Variants in HAVCR1 observed in about 807,000 individuals in gnomAD.
HAVCR1 encodes the protein hepatitis A virus cellular receptor 1, also known as T cell immunoglobin domain and mucin domain protein 1.
In HAVCR1, 34 loss-of-function variants were observed where a neutral mutation model predicts 32.0. The ratio of observed to expected loss-of-function variants is 1.06; its 90% CI spans 0.81 to 1.42. HAVCR1 has a LOEUF of 1.42. HAVCR1 is among the 40% of genes most tolerant of loss of function. The pLI is 0.00. For synonymous variants in HAVCR1, 178 were observed against 170.3 expected, an observed-to-expected ratio of 1.05 and a Z score of -0.35; for missense variants, 420 against 442.3, an observed-to-expected ratio of 0.95 and a Z score of 0.45.
intron 7 of HAVCR1, among the ~76,000 whole-genome samples, chr5:157,036,916 G>T (rs1189500429): frequency 6.7e-6 from 1 of 148,524 alleles, no homozygotes; most frequent in Non-Finnish European, 1.5e-5. Flanking sequence ...TTAAGAAATG[G>T]GGTCCCACCA....
intron 5 of HAVCR1, among the ~76,000 whole-genome samples, chr5:157,048,708 T>C (rs374380400): frequency 1.2e-3 from 184 of 152,136 alleles, no homozygotes; most frequent in African/African-American, 4.4e-3. Context: ...CGGGCGCCTG[T>C]AGTCCCAGCT....
chr5:157,058,168 AAAG>A, intron 1 of HAVCR1: 1 of 523,810 alleles, frequency 1.9e-6, no homozygotes, highest in Non-Finnish European at 3.4e-6. Context: ...AAGGACAGGG[AAAG>A]CTGTCCACAG....
chr5:157,045,721 T>C (rs542709264), intron 5 of HAVCR1, among the ~76,000 whole-genome samples: 1 of 152,304 alleles, frequency 6.6e-6, no homozygotes, highest in South Asian at 2.1e-4. Context: ...TCCAATCCTT[T>C]CCAGATCTAA....
chr5:157,051,412 T>G (rs1755727934), intron 4 of HAVCR1, among the ~76,000 whole-genome samples: 1 of 152,126 alleles, frequency 6.6e-6, no homozygotes, highest in Admixed American at 6.6e-5. Flanking sequence ...GGCAAACTCA[T>G]CCAAACATAA....
intron 2 of HAVCR1, among the ~76,000 whole-genome samples, chr5:157,057,417 A>G (rs1342699254): frequency 1.0e-3 from 146 of 144,080 alleles, no homozygotes; most frequent in African/African-American, 3.9e-3. Flanking sequence ...GAAAGAAAGA[A>G]AGAAAGAAAG....
At chr5:157,059,442 G>A (rs1007988590), upstream of HAVCR1, among the ~76,000 whole-genome samples, 6 of 151,830 alleles carry the variant, frequency 4.0e-5, no homozygotes, top group South Asian at 2.1e-4. Flanking sequence ...TTGGGAGGCC[G>A]AGTAGGCCAG....
At chr5:157,053,996 C>A (rs1456195123) in intron 3 of HAVCR1, among the ~76,000 whole-genome samples, 1 of 151,584 alleles carries the variant, frequency 6.6e-6, no homozygotes, top group Non-Finnish European at 1.5e-5. Context: ...GCCTGGGCAA[C>A]ATAGCGAAAC....
chr5:157,029,962 C>A, intron 8 of HAVCR1, 121 bp from the exon 9 acceptor site: 1 of 687,726 alleles, frequency 1.5e-6, no homozygotes, highest in Non-Finnish European at 2.4e-6. Context: ...CCAGGAGCCC[C>A]GTTCACACAA....
chr5:157,033,449 C>T (rs1754295376), intron 7 of HAVCR1, among the ~76,000 whole-genome samples: 1 of 151,944 alleles, frequency 6.6e-6, no homozygotes, highest in Non-Finnish European at 1.5e-5. Context: ...TGGGGAGGAG[C>T]ATATTTAGGA....
At chr5:157,040,222 T>TG (rs1199411852) in intron 6 of HAVCR1, among the ~76,000 whole-genome samples, 1 of 151,234 alleles carries the variant, frequency 6.6e-6, no homozygotes, top group East Asian at 2.0e-4. Context: ...TGCTTGAACC[T>TG]GGGAGGCGGA....
At chr5:157,038,639 G>A (rs1419695533) in intron 6 of HAVCR1, among the ~76,000 whole-genome samples, 1 of 152,168 alleles carries the variant, frequency 6.6e-6, no homozygotes, top group Non-Finnish European at 1.5e-5. Flanking sequence ...TTGCTTAGAA[G>A]CGGCATAGCC....
Position 157,052,440 on chromosome 5 carries a change from T to TGTTGGAATGCTCGTTGTC in HAVCR1, c.576_593dup (p.Ile196_Ser201dup). On this transcript the variant is annotated inframe_insertion, in exon 4 of 9. Coordinates refer to ENST00000523175, the MANE Select transcript of HAVCR1 (RefSeq NM_001173393.3). ...TTGTTGTCACTGGAACACTTGTTGT[T>TGTTGGAATGCTCGTTGTC]GTTGGAATGCTCGTTGTCGTTGGAA... is the stretch of plus-strand genomic sequence containing the variant. The TGTTGGAATGCTCGTTGTC allele has an allele frequency of 6.2e-7, 1 of 1,613,554 alleles. No homozygotes were observed. Among genetic ancestry groups the TGTTGGAATGCTCGTTGTC allele is most frequent in the Non-Finnish European group, 8.5e-7 (1 of 1,179,646 alleles).
intron 2 of HAVCR1, among the ~76,000 whole-genome samples, chr5:157,056,879 T>C (rs1053085652): frequency 6.6e-6 from 1 of 152,216 alleles, no homozygotes; most frequent in Non-Finnish European, 1.5e-5. Flanking sequence ...CCTTATCTCA[T>C]AGAATGTTTT....
At chr5:157,044,645 GAAAGAAAGAAAGAAAGAA>G (rs1755239487) in intron 5 of HAVCR1, among the ~76,000 whole-genome samples, 1 of 114,324 alleles carries the variant, frequency 8.7e-6, no homozygotes, top group African/African-American at 3.7e-5. Flanking sequence ...AAGAAAGAAA[GAAAGAAAGAAAGAAAGAA>G]AGAAAGAAAG....
Position 157,037,281 on chromosome 5 carries a change from C to A in HAVCR1, c.918G>T (p.Val306=). The change falls in exon 7 of 9, where the codon GTG becomes GTT. Residue 306 remains valine (V), a synonymous_variant. Transcript: ENST00000523175. ...TGATGACACCCAAAAGAGCAAGAAG[C>A]ACCAAGACAGAAATACAGACTCCAG... ...IYAGVCISVL[V]LLALLGVIIA... The A allele has an allele frequency of 6.2e-7, 1 of 1,603,460 alleles. No individual in the cohort carries two copies. The highest frequency in any genetic ancestry group is 8.5e-7 in the Non-Finnish European group (1 of 1,170,312).
chr5:157,037,141 A>C (rs2113505627), intron 7 of HAVCR1, 106 bp downstream of exon 7: 1 of 731,374 alleles, frequency 1.4e-6, no homozygotes, highest in African/African-American at 1.7e-5. Flanking sequence ...GGGGAGACAA[A>C]GGGAAGTCGT....
chr5:157,067,973 C>G, the HAVCR1 span, among the ~76,000 whole-genome samples: 1 of 151,866 alleles, frequency 6.6e-6, no homozygotes, highest in East Asian at 2.0e-4. Context: ...CCACCACTCC[C>G]GGTGAGCAAG....
chr5:157,054,531 G>C (rs1253254349), intron 3 of HAVCR1, among the ~76,000 whole-genome samples: 1 of 152,048 alleles, frequency 6.6e-6, no homozygotes, highest in Non-Finnish European at 1.5e-5. Flanking sequence ...AATAAAAAAG[G>C]ACAGTTCCTC....
chr5:157,029,686 G>A lies in HAVCR1; in HGVS notation c.*47C>T, dbSNP rs181656381. ...CGTCTGATGTGCTGATGTCTGTTCA[G>A]TCTTCTGCACTCATGGGCGTAAACT... On this transcript the variant is annotated 3_prime_UTR_variant, in exon 9 of 9. Coordinates refer to ENST00000523175, the MANE Select transcript of HAVCR1 (RefSeq NM_001173393.3). The A allele has an allele frequency of 2.5e-6, 4 of 1,611,192 alleles. No homozygotes were observed. The highest frequency in any genetic ancestry group is 1.3e-5 in the African/African-American group (1 of 74,992).
Sources: gnomAD v4.1 joint callset for allele counts (sites outside exome capture counted in the v4.1 genomes callset) on GRCh38, gnomAD v4.1.1 for gene constraint, MANE v1.5 for transcripts, NCBI Gene and HGNC (gene_info 2026-07-23, HGNC 2026-07-21) for gene names.